RPS6KC1: variants seen among roughly 807,000 people sequenced by gnomAD.
RPS6KC1 encodes ribosomal protein S6 kinase C1.
In RPS6KC1, 54 loss-of-function variants were observed where a neutral mutation model predicts 103.8. The ratio of observed to expected loss-of-function variants is 0.52; its 90% confidence interval spans 0.42 to 0.65. RPS6KC1 has a LOEUF of 0.65. RPS6KC1 is among the 30% of genes least tolerant of loss of function. The pLI is 0.00. For missense variants in RPS6KC1, 1,151 were observed against 1,253.8 expected, an observed-to-expected ratio of 0.92 and a Z score of 1.24; for synonymous variants, 439 against 438.7, an observed-to-expected ratio of 1.00 and a Z score of -0.01.
At chr1:213,136,936 C>T (rs7540597) in intron 6 of RPS6KC1, among the ~76,000 whole-genome samples, 2,785 of 152,272 alleles carry the variant, frequency 0.018, 92 homozygotes, top group African/African-American at 0.062. Flanking sequence ...TCAGGCAGTC[C>T]TCCTGCCTCA....
chr1:213,605,569 C>T, the RPS6KC1 span, among the ~76,000 whole-genome samples: 2 of 152,208 alleles, frequency 1.3e-5, no homozygotes, highest in African/African-American at 4.8e-5. Flanking sequence ...TCTTTGGGCT[C>T]ACCATTATGC....
intron 5 of RPS6KC1, among the ~76,000 whole-genome samples, chr1:213,120,803 A>T (rs1031836585): frequency 6.6e-6 from 1 of 152,182 alleles, no homozygotes; most frequent in Admixed American, 6.5e-5. Context: ...CTTTAGTTAC[A>T]GTTAGAGTGA....
the RPS6KC1 span, among the ~76,000 whole-genome samples, chr1:213,335,259 G>T: frequency 6.6e-6 from 1 of 152,234 alleles, no homozygotes; most frequent in Non-Finnish European, 1.5e-5. Flanking sequence ...GCTCCTTAGG[G>T]AAGTTAAGTA....
the RPS6KC1 span, among the ~76,000 whole-genome samples, chr1:213,483,418 C>T: frequency 6.6e-6 from 1 of 152,168 alleles, no homozygotes; most frequent in South Asian, 2.1e-4. Context: ...TTATTCACCA[C>T]TTAATGGACA....
chr1:213,212,134 A>G (rs907168619), intron 8 of RPS6KC1, among the ~76,000 whole-genome samples: 1 of 152,196 alleles, frequency 6.6e-6, no homozygotes, highest in African/African-American at 2.4e-5. Context: ...GGTGTTGTAC[A>G]TTCTGTGGGT....
the RPS6KC1 span, among the ~76,000 whole-genome samples, chr1:213,431,812 G>C: frequency 3.9e-5 from 6 of 152,006 alleles, no homozygotes; most frequent in African/African-American, 1.5e-4. Flanking sequence ...TATTATGTGG[G>C]CATGCACTAC....
the RPS6KC1 span, among the ~76,000 whole-genome samples, chr1:213,635,436 G>T: frequency 2.0e-5 from 3 of 150,506 alleles, no homozygotes; most frequent in African/African-American, 7.3e-5. Context: ...GATCAAGTTG[G>T]CTTCCTGGGA....
At chr1:213,146,574 C>T (rs188040917) in intron 6 of RPS6KC1, among the ~76,000 whole-genome samples, 220 of 151,712 alleles carry the variant, frequency 1.5e-3, no homozygotes, top group African/African-American at 5.2e-3. Flanking sequence ...TACAGGCGCC[C>T]GCCACCATGC....
chr1:213,791,344 A>G, the RPS6KC1 span, among the ~76,000 whole-genome samples: 3 of 152,084 alleles, frequency 2.0e-5, no homozygotes, highest in African/African-American at 7.2e-5. Context: ...CGAGCAGAAA[A>G]GTGACATAAT....
the RPS6KC1 span, among the ~76,000 whole-genome samples, chr1:213,397,647 A>G: frequency 6.6e-5 from 10 of 151,382 alleles, no homozygotes; most frequent in African/African-American, 2.4e-4. Context: ...AGTTAGGGCA[A>G]TCAGAATCCC....
At chr1:213,700,845 T>C in the RPS6KC1 span, among the ~76,000 whole-genome samples, 1 of 152,044 alleles carries the variant, frequency 6.6e-6, no homozygotes, top group Admixed American at 6.6e-5. Flanking sequence ...TTTATATTTC[T>C]TTTTCAGATT....
the RPS6KC1 span, among the ~76,000 whole-genome samples, chr1:213,387,509 C>T: frequency 1.3e-5 from 2 of 152,156 alleles, no homozygotes; most frequent in Non-Finnish European, 2.9e-5. Flanking sequence ...CTATTGTGTA[C>T]CAGGCCTGGA....
chr1:213,331,744 G>A, the RPS6KC1 span, among the ~76,000 whole-genome samples: 1 of 152,140 alleles, frequency 6.6e-6, no homozygotes, highest in South Asian at 2.1e-4. Context: ...AAACAGAGGT[G>A]AAGAGGCCAG....
intron 8 of RPS6KC1, among the ~76,000 whole-genome samples, chr1:213,207,944 A>G (rs953819434): frequency 2.6e-5 from 4 of 152,130 alleles, no homozygotes; most frequent in Non-Finnish European, 5.9e-5. Flanking sequence ...AAGTGCTGGG[A>G]TTACAGTCAT....
At chr1:213,636,234 T>C in the RPS6KC1 span, among the ~76,000 whole-genome samples, 2 of 152,106 alleles carry the variant, frequency 1.3e-5, no homozygotes, top group Admixed American at 6.6e-5. Context: ...TATCAAGCTA[T>C]CAATGACTTT....
Position 213,077,791 on chromosome 1 carries a change from T to A in RPS6KC1, c.237T>A (p.Pro79=). 2 of 1,562,028 alleles carry A rather than the reference T, an allele frequency of 1.3e-6. No homozygotes were observed. Among genetic ancestry groups the A allele is most frequent in the Non-Finnish European group, 1.7e-6 (2 of 1,149,172 alleles). ...KNLFRHSELF[P]PFAKGIVFGR... Reference sequence around the variant, plus strand: ...TATTCCGACATTCAGAGTTGTTTCCTCCATTTGCTAAAGGAATAGTGTTTG... The same window carrying A: ...TATTCCGACATTCAGAGTTGTTTCCACCATTTGCTAAAGGAATAGTGTTTG... Residue 79 remains proline (P), a synonymous_variant, in exon 3 of 15, where the codon CCT becomes CCA. Transcript: ENST00000366960.
the RPS6KC1 span, among the ~76,000 whole-genome samples, chr1:213,468,638 C>G: frequency 7.2e-5 from 11 of 151,992 alleles, no homozygotes; most frequent in Non-Finnish European, 1.5e-5. Flanking sequence ...GAGGTTCTAA[C>G]AGGAACTTTC....
chr1:213,057,046 C>T (rs2077388066), intron 1 of RPS6KC1, among the ~76,000 whole-genome samples: 1 of 151,984 alleles, frequency 6.6e-6, no homozygotes, highest in Non-Finnish European at 1.5e-5. Flanking sequence ...CTCAAGCAAT[C>T]CTCCCACCTC....
At chr1:213,838,314 T>A in the RPS6KC1 span, among the ~76,000 whole-genome samples, 1 of 152,160 alleles carries the variant, frequency 6.6e-6, no homozygotes, top group Admixed American at 6.5e-5. Flanking sequence ...GGGATGACCA[T>A]GTGACATATT....
Sources: allele counts gnomAD v4.1 joint callset (sites outside exome capture counted in the v4.1 genomes callset), GRCh38; gene constraint gnomAD v4.1.1; transcripts MANE v1.5; gene names NCBI Gene and HGNC (gene_info 2026-07-23, HGNC 2026-07-21).